PLCG2: variants seen among roughly 807,000 people sequenced by gnomAD.
PLCG2 encodes the protein 1-phosphatidylinositol 4,5-bisphosphate phosphodiesterase gamma-2.
A neutral mutation model predicts 175.6 loss-of-function variants in PLCG2; 69 were observed. The observed-to-expected ratio is 0.39, with a 90% confidence interval of 0.32 to 0.48. The LOEUF (loss-of-function observed/expected upper bound fraction) is 0.48, where lower values mean the gene tolerates loss of function less well. PLCG2 is among the 20% of genes least tolerant of loss of function. The pLI, the probability that PLCG2 is intolerant of heterozygous loss-of-function variation, is 0.91. For synonymous variants in PLCG2, 827 were observed against 624.0 expected, an observed-to-expected ratio of 1.33 and a Z score of -4.85; for missense variants, 1,798 against 1,650.9, an observed-to-expected ratio of 1.09 and a Z score of -1.54.
chr16:81,823,704 T>TTC (rs911312116), intron 2 of PLCG2, among the ~76,000 whole-genome samples: 1 of 151,014 alleles, frequency 6.6e-6, no homozygotes, highest in African/African-American at 2.4e-5. Context: ...TTTTTTTTTT[T>TTC]TTCCCTGTAG....
At chr16:81,740,815 G>T (rs1396084810) in intron 1 of PLCG2, among the ~76,000 whole-genome samples, 1 of 148,038 alleles carries the variant, frequency 6.8e-6, no homozygotes, top group Non-Finnish European at 1.5e-5. Context: ...TGGGTGCAGA[G>T]GCCTGGGGCT....
In PLCG2 at chr16:81,895,885, A is replaced by G. The variant is rs752223289; in HGVS notation, c.1151A>G (p.Asp384Gly). The change falls in exon 13 of 33, where the codon GAC becomes GGC. Residue 384 changes from aspartate (D) to glycine (G), a missense_variant. By Grantham distance (94) the Asp-to-Gly change is moderately conservative. Coordinates refer to ENST00000564138, the MANE Select transcript of PLCG2 (RefSeq NM_002661.5). ...CGGACTACCAAGATCAAGTTTGACGACGTCGTGCAGGCCATCAAAGACCAC... is the reference window on the plus strand; with the variant it reads ...CGGACTACCAAGATCAAGTTTGACGGCGTCGTGCAGGCCATCAAAGACCAC... Reference protein sequence around the residue: ...WTRTTKIKFDDVVQAIKDHAF... With the variant: ...WTRTTKIKFDGVVQAIKDHAF... 2.5e-6 allele frequency: 4 copies of G among 1,614,074 alleles called. No homozygotes were observed. The South Asian group carries it at 4.4e-5, about 18-fold the overall frequency.
chr16:81,804,737 C>T (rs1371631299), intron 2 of PLCG2, among the ~76,000 whole-genome samples: 3 of 152,154 alleles, frequency 2.0e-5, no homozygotes, highest in African/African-American at 7.2e-5. Flanking sequence ...AATGCTTCTT[C>T]CTAACTGTCC....
At chr16:81,803,171 T>G (rs1002748561) in intron 2 of PLCG2, among the ~76,000 whole-genome samples, 5 of 146,938 alleles carry the variant, frequency 3.4e-5, no homozygotes, top group Non-Finnish European at 7.4e-5. Context: ...CAGGCTGGAG[T>G]GCAGTGGCAT....
rs745821022 is a variant in PLCG2 at position 81,905,470 on chromosome 16, A to C, written c.1430A>C (p.Gln477Pro). Residue 477 changes from glutamine to proline, a missense_variant, in exon 15 of 33, where the codon CAA becomes CCA. By Grantham distance (76) the Gln-to-Pro change is moderately conservative. Transcript: ENST00000564138. ...NMEDKKDEHK[Q>P]QGELYMWDSI... Reference sequence around the variant, plus strand: ...GAGGACAAGAAGGACGAACACAAGCAACAGGGGGAGCTGTACATGTGGGAT... The same window carrying C: ...GAGGACAAGAAGGACGAACACAAGCCACAGGGGGAGCTGTACATGTGGGAT... 1.2e-6 allele frequency: 2 copies of C among 1,614,150 alleles called. No homozygotes were observed. The highest frequency in any genetic ancestry group is 4.5e-5 in the East Asian group (2 of 44,878).
chr16:81,853,617 C>A (rs1248243413), intron 2 of PLCG2, among the ~76,000 whole-genome samples: 1 of 152,204 alleles, frequency 6.6e-6, no homozygotes, highest in African/African-American at 2.4e-5. Flanking sequence ...GATGCCGCTG[C>A]TGATCTGACA....
chr16:81,899,964 A>C (rs1003198330), intron 13 of PLCG2, among the ~76,000 whole-genome samples: 42 of 152,214 alleles, frequency 2.8e-4, no homozygotes, highest in African/African-American at 1.0e-3. Context: ...GTATTTGCCA[A>C]TCAGTGTTGG....
At chr16:81,801,523 C>G (rs1001194226) in intron 2 of PLCG2, among the ~76,000 whole-genome samples, 10 of 152,148 alleles carry the variant, frequency 6.6e-5, no homozygotes, top group African/African-American at 2.4e-4. Context: ...ATTGATCTGT[C>G]CTGTCAATGC....
At chr16:81,891,431 CG>C (rs1567518882) in intron 10 of PLCG2, 40 bp from the exon 11 acceptor site, 2 of 1,105,160 alleles carry the variant, frequency 1.8e-6, no homozygotes, top group Non-Finnish European at 2.8e-6. Flanking sequence ...CCATCCTGCC[CG>C]TCAACGTGAT....
At chr16:81,798,229 A>G (rs1911559706) in intron 2 of PLCG2, among the ~76,000 whole-genome samples, 1 of 152,208 alleles carries the variant, frequency 6.6e-6, no homozygotes, top group South Asian at 2.1e-4. Context: ...TCACAAGTCC[A>G]GTATGTACTT....
chr16:81,892,765 C>T (rs747895513), intron 11 of PLCG2, among the ~76,000 whole-genome samples: 2 of 152,202 alleles, frequency 1.3e-5, no homozygotes, highest in East Asian at 1.9e-4. Flanking sequence ...AGGCATTAAG[C>T]CTACTTACTA....
chr16:81,857,295 T>C (rs2143484115), intron 3 of PLCG2, among the ~76,000 whole-genome samples: 1 of 152,312 alleles, frequency 6.6e-6, no homozygotes, highest in South Asian at 2.1e-4. Flanking sequence ...GTTGAGAAAC[T>C]CTGCTCTGGA....
intron 31 of PLCG2, among the ~76,000 whole-genome samples, chr16:81,951,271 G>C (rs1208877857): frequency 6.6e-6 from 1 of 152,096 alleles, no homozygotes; most frequent in African/African-American, 2.4e-5. Flanking sequence ...GCCCTCAAAA[G>C]ACCAGTTAAA....
At chr16:81,878,110 T>G (rs1457497430) in intron 7 of PLCG2, among the ~76,000 whole-genome samples, 3 of 150,656 alleles carry the variant, frequency 2.0e-5, no homozygotes, top group African/African-American at 7.3e-5. Flanking sequence ...GCCTCCCGAG[T>G]AGCTGGGGAC....
intron 9 of PLCG2, among the ~76,000 whole-genome samples, chr16:81,888,658 A>T (rs1288077044): frequency 1.3e-5 from 2 of 152,212 alleles, no homozygotes; most frequent in Non-Finnish European, 2.9e-5. Flanking sequence ...GACGGTATGT[A>T]ACTTGCCCAA....
intron 7 of PLCG2, among the ~76,000 whole-genome samples, chr16:81,876,016 CTTTT>C (rs547152035): frequency 3.5e-5 from 4 of 114,994 alleles, no homozygotes; most frequent in African/African-American, 3.2e-5. Flanking sequence ...CTTTTTCTTT[CTTTT>C]TTTTTTTTTT....
At chr16:81,944,039 T>G (rs1485856317) in intron 30 of PLCG2, among the ~76,000 whole-genome samples, 2 of 152,186 alleles carry the variant, frequency 1.3e-5, no homozygotes, top group African/African-American at 2.4e-5. Context: ...TTCAGTAAGA[T>G]GATGAGCATC....
intron 2 of PLCG2, among the ~76,000 whole-genome samples, chr16:81,769,857 T>C: frequency 7.0e-6 from 1 of 142,262 alleles, no homozygotes; most frequent in African/African-American, 2.6e-5. Context: ...GAAAAAGACA[T>C]GGGCCTTCAG....
chr16:81,841,400 C>T (rs1905823023), intron 2 of PLCG2, among the ~76,000 whole-genome samples: 1 of 151,922 alleles, frequency 6.6e-6, no homozygotes, highest in Non-Finnish European at 1.5e-5. Flanking sequence ...ACTACCATGC[C>T]CAGCTAATTT....
Sources: allele counts gnomAD v4.1 joint callset (sites outside exome capture counted in the v4.1 genomes callset), GRCh38; gene constraint gnomAD v4.1.1; transcripts MANE v1.5; gene names NCBI Gene and HGNC (gene_info 2026-07-23, HGNC 2026-07-21).